Variants in LRP1B observed in about 807,000 individuals in gnomAD.
LRP1B encodes LDL receptor related protein 1B.
A neutral mutation model predicts 556.6 loss-of-function variants in LRP1B; 217 were observed. The ratio of observed to expected loss-of-function variants is 0.39; its 90% CI spans 0.35 to 0.44. The LOEUF is 0.44. LRP1B is among the 20% of genes least tolerant of loss of function. The pLI is 1.00. For missense variants in LRP1B, 5,053 were observed against 5,620.8 expected (o/e 0.90, Z 3.23); for synonymous variants, 2,047 against 1,865.8 (o/e 1.10, Z -2.50).
rs73963552 is a variant in LRP1B, at chr2:141,722,729, C to G, written c.205+87550G>C. Among the ~76,000 whole-genome samples the G allele has an allele frequency of 1.6e-3, 231 of 146,092 alleles. 1 individual carries two copies. Among genetic ancestry groups the G allele is most frequent in the East Asian group, 8.4e-3 (41 of 4,854 alleles). ...AGACAGATAGACAGGCAGATAGATA[C>G]ATAGATAGATAGATAGATAGATAGA... On this transcript the variant is annotated intron_variant, in intron 2 of 90. Coordinates refer to ENST00000389484, the MANE Select transcript of LRP1B (RefSeq NM_018557.3).
intron 86 of LRP1B, among the ~76,000 whole-genome samples, chr2:140,270,002 C>T (rs1682385448): frequency 6.6e-6 from 1 of 151,930 alleles, no homozygotes; most frequent in African/African-American, 2.4e-5. Flanking sequence ...GTTCAAAGGT[C>T]TATGCATGTC....
At chr2:141,162,330 G>C (rs1410987269) in intron 7 of LRP1B, among the ~76,000 whole-genome samples, 2 of 151,952 alleles carry the variant, frequency 1.3e-5, no homozygotes, top group East Asian at 3.9e-4. Flanking sequence ...TTTGAAGGAG[G>C]GGTAACATTA....
At chr2:140,242,145 T>C (rs1680975010) in intron 87 of LRP1B, among the ~76,000 whole-genome samples, 1 of 151,062 alleles carries the variant, frequency 6.6e-6, no homozygotes, top group Admixed American at 6.6e-5. Context: ...GTTTTACTAT[T>C]CATTACCAAC....
chr2:140,387,760 C>A (rs1025875446), intron 66 of LRP1B, among the ~76,000 whole-genome samples: 7 of 152,026 alleles, frequency 4.6e-5, no homozygotes, highest in Admixed American at 3.9e-4. Context: ...TTACATTCTG[C>A]ACACCTCAGT....
intron 3 of LRP1B, among the ~76,000 whole-genome samples, chr2:141,434,518 G>C (rs934709989): frequency 6.6e-6 from 1 of 151,980 alleles, no homozygotes; most frequent in African/African-American, 2.4e-5. Context: ...TTTAAAGATT[G>C]TTTCCTTTAA....
At chr2:140,766,620 CTGA>C (rs145590728) in intron 35 of LRP1B, among the ~76,000 whole-genome samples, 5 of 149,014 alleles carry the variant, frequency 3.4e-5, no homozygotes, top group South Asian at 2.1e-4. Context: ...GCTCTACAGA[CTGA>C]TGATGATGAT....
At chr2:141,983,965 G>A (rs1023154741) in intron 1 of LRP1B, among the ~76,000 whole-genome samples, 1 of 152,130 alleles carries the variant, frequency 6.6e-6, no homozygotes, top group African/African-American at 2.4e-5. Flanking sequence ...GGAAGCTGAG[G>A]CAGGAGAATC....
chr2:141,493,886 C>A (rs1447305773), intron 2 of LRP1B, among the ~76,000 whole-genome samples: 1 of 152,078 alleles, frequency 6.6e-6, no homozygotes, highest in African/African-American at 2.4e-5. Flanking sequence ...TTCACTTGAC[C>A]CTAGGTTGTC....
chr2:141,257,748 A>G lies in LRP1B; in HGVS notation c.344-3107T>C, dbSNP rs147831770. On this transcript the variant is annotated intron_variant, in intron 3 of 90. Coordinates refer to ENST00000389484, the MANE Select transcript of LRP1B (RefSeq NM_018557.3). ...AGTTTAGGATATTAGGTGAAATGGT[A>G]AATATTGATTCTGCTAACAGATCGT... Among the ~76,000 whole-genome samples the G allele has an allele frequency of 3.2e-3, 480 of 152,328 alleles. 3 individuals carry two copies. The highest frequency in any genetic ancestry group is 0.011 in the African/African-American group (455 of 41,584).
intron 35 of LRP1B, among the ~76,000 whole-genome samples, chr2:140,736,771 T>C (rs991756709): frequency 2.4e-4 from 36 of 152,108 alleles, no homozygotes; most frequent in Non-Finnish European, 8.8e-5. Flanking sequence ...GCCTAGACAA[T>C]ACCATTCAGG....
At chr2:140,481,876 A>G (rs1208299869) in intron 59 of LRP1B, among the ~76,000 whole-genome samples, 1 of 151,856 alleles carries the variant, frequency 6.6e-6, no homozygotes, top group African/African-American at 2.4e-5. Flanking sequence ...GTTCCTTGTA[A>G]TTTGTTGGAT....
intron 1 of LRP1B, among the ~76,000 whole-genome samples, chr2:142,104,267 C>G (rs1208723879): frequency 2.0e-5 from 3 of 152,078 alleles, no homozygotes; most frequent in Non-Finnish European, 4.4e-5. Flanking sequence ...CTCTAAATCC[C>G]CATTCTTTTA....
At position 141,115,465 on chromosome 2, in the gene LRP1B, T is replaced by TTTG. The variant is rs1214265263; in HGVS notation, c.1014-53193_1014-53192insCAA. On this transcript the variant is annotated intron_variant, in intron 7 of 90. Transcript: ENST00000389484. ...GAATAGGTTTTTGTTTTTGTTTTTT[T>TTTG]TTTTTTTTTGAGATGGATTCTGGCT... Among the ~76,000 whole-genome samples the TTTG allele has an allele frequency of 4.6e-4, 68 of 147,314 alleles. 2 individuals carry two copies. The highest frequency in any genetic ancestry group is 1.6e-3 in the African/African-American group (63 of 39,386).
intron 59 of LRP1B, among the ~76,000 whole-genome samples, chr2:140,481,556 T>C (rs1688240579): frequency 6.7e-6 from 1 of 149,278 alleles, no homozygotes; most frequent in Non-Finnish European, 1.5e-5. Flanking sequence ...ACTCAAAAAA[T>C]GCTATAGAAA....
intron 1 of LRP1B, among the ~76,000 whole-genome samples, chr2:141,948,498 G>A (rs951287540): frequency 4.0e-5 from 6 of 151,810 alleles, no homozygotes; most frequent in Non-Finnish European, 8.8e-5. Flanking sequence ...AGTTTCAAGA[G>A]CTTGCAAAGC....
intron 7 of LRP1B, among the ~76,000 whole-genome samples, chr2:141,092,040 T>A (rs1301461241): frequency 1.3e-5 from 2 of 152,242 alleles, no homozygotes. Flanking sequence ...GTATTTGGAA[T>A]CTTTATTTAG....
intron 41 of LRP1B, chr2:140,683,942 G>C (rs939373013): frequency 2.0e-5 from 8 of 402,608 alleles, no homozygotes; most frequent in Admixed American, 4.0e-5. Context: ...TGTGGGCTAC[G>C]TGACGCGCCT....
chr2:140,781,467 A>C (rs907956260), intron 32 of LRP1B, among the ~76,000 whole-genome samples: 1 of 152,172 alleles, frequency 6.6e-6, no homozygotes, highest in Non-Finnish European at 1.5e-5. Flanking sequence ...TTATCATCTT[A>C]CAATATTCAT....
chr2:141,818,531 C>CTTTTTTTTTTTTTTTTTT (rs70994453), intron 1 of LRP1B, among the ~76,000 whole-genome samples: 1 of 82,070 alleles, frequency 1.2e-5, no homozygotes, highest in Admixed American at 1.7e-4. Context: ...ATTTCTGTAT[C>CTTTTTTTTTTTTTTTTTT]TTTTTTTTTT....
Sources: allele counts gnomAD v4.1 joint callset (sites outside exome capture counted in the v4.1 genomes callset), GRCh38; gene constraint gnomAD v4.1.1; transcripts MANE v1.5; gene names NCBI Gene and HGNC (gene_info 2026-07-23, HGNC 2026-07-21).